Variants in MYH11 observed in about 807,000 individuals in gnomAD.
The protein encoded by MYH11 is myosin-11.
Under a neutral mutation model 246.6 loss-of-function variants are expected in MYH11, and 80 were observed. The observed-to-expected ratio is 0.32, with a 90% CI of 0.27 to 0.39. The LOEUF (loss-of-function observed/expected upper bound fraction) is 0.39, where lower values mean the gene tolerates loss of function less well. Ranked by LOEUF, MYH11 falls within the 10% of genes least tolerant of loss-of-function variation. MYH11 has a pLI of 1.00. For synonymous variants in MYH11, 1,071 were observed against 1,015.5 expected (o/e 1.05, Z -1.04); for missense variants, 2,158 against 2,546.8 (o/e 0.85, Z 3.29).
At chr16:15,829,963 C>G (rs1239708457) in intron 2 of MYH11, among the ~76,000 whole-genome samples, 1 of 152,114 alleles carries the variant, frequency 6.6e-6, no homozygotes, top group East Asian at 1.9e-4. Flanking sequence ...AGTGAAACCT[C>G]ATCTCTACTA....
intron 27 of MYH11, among the ~76,000 whole-genome samples, chr16:15,731,665 A>T (rs1205994301): frequency 6.6e-6 from 1 of 150,592 alleles, no homozygotes; most frequent in African/African-American, 2.4e-5. Context: ...CTAATTCTTT[A>T]TATTTTTGGT....
chr16:15,784,672 C>A, intron 5 of MYH11: 3 of 1,613,590 alleles, frequency 1.9e-6, no homozygotes, highest in Non-Finnish European at 2.5e-6. Context: ...CCCCTACACA[C>A]CAGGAAAACA....
rs141830488 is a variant in MYH11 at position 15,721,214 on chromosome 16, C to G, written c.4579-163G>C. The G allele has an allele frequency of 1.9e-3, 1,804 of 965,130 alleles. 1 individual carries two copies. The highest frequency in any genetic ancestry group is 2.2e-3 in the African/African-American group (138 of 61,996). 59.8% of individuals were successfully genotyped at this position (965,130 alleles called of 1,614,324 possible). A position where few individuals can be genotyped will look rare whatever the true frequency, so the allele number is the denominator to read the frequency against. ...TGACCCCTGAGAGTTCAGACCCCAG[C>G]CTTATCCTCGGACCCCCCAACTCAG... On this transcript the variant is annotated intron_variant, in intron 32 of 40. Coordinates refer to ENST00000300036, the MANE Select transcript of MYH11 (RefSeq NM_002474.3).
At chr16:15,763,760 C>CCCCCCCA (rs1596799469) in intron 10 of MYH11, 36 bp downstream of exon 10, 3 of 1,192,088 alleles carry the variant, frequency 2.5e-6, no homozygotes, top group Non-Finnish European at 3.8e-6. Flanking sequence ...CCCCCAACCC[C>CCCCCCCA]AAAGTCATTG....
intron 40 of MYH11, among the ~76,000 whole-genome samples, chr16:15,706,406 T>A (rs186909746): frequency 6.7e-6 from 1 of 149,676 alleles, no homozygotes; most frequent in East Asian, 1.9e-4. Flanking sequence ...TAACTCCAGG[T>A]TCAAACCCTG....
At chr16:15,845,948 A>C (rs1279455775) in intron 1 of MYH11, among the ~76,000 whole-genome samples, 4 of 151,924 alleles carry the variant, frequency 2.6e-5, no homozygotes, top group African/African-American at 9.7e-5. Flanking sequence ...AAAAATTAAA[A>C]ATTAGCCAGG....
At chr16:15,753,877 C>T (rs960969793) in intron 14 of MYH11, among the ~76,000 whole-genome samples, 3 of 152,046 alleles carry the variant, frequency 2.0e-5, no homozygotes, top group Non-Finnish European at 2.9e-5. Context: ...GCAAAACTCC[C>T]CCCTCATCAT....
At chr16:15,837,418 G>C (rs2043927284) in intron 2 of MYH11, among the ~76,000 whole-genome samples, 1 of 152,146 alleles carries the variant, frequency 6.6e-6, no homozygotes, top group South Asian at 2.1e-4. Context: ...TTTACGGATA[G>C]GAAAACCAAG....
chr16:15,766,344 GGTGTGTGTGTGTGTGTGTGTGTGTGTGT>G (rs3073439), intron 9 of MYH11, among the ~76,000 whole-genome samples: 1 of 136,688 alleles, frequency 7.3e-6, no homozygotes, highest in East Asian at 2.1e-4. Flanking sequence ...CATGTTTTTT[GGTGTGTGTGTGTGTGTGTGTGTGTGTGT>G]GTGTGTGTGT....
chr16:15,801,337 T>C (rs899743450), intron 3 of MYH11, among the ~76,000 whole-genome samples: 1 of 152,000 alleles, frequency 6.6e-6, no homozygotes, highest in East Asian at 1.9e-4. Flanking sequence ...GGTAGCATAG[T>C]GTTATACCTT....
At chr16:15,744,116 A>T (rs1358094445) in intron 20 of MYH11, among the ~76,000 whole-genome samples, 4 of 152,100 alleles carry the variant, frequency 2.6e-5, no homozygotes, top group Non-Finnish European at 4.4e-5. Flanking sequence ...AAAAATGCAA[A>T]AAGTAAAAAA....
intron 2 of MYH11, among the ~76,000 whole-genome samples, chr16:15,836,057 G>A (rs903601966): frequency 2.6e-5 from 4 of 152,034 alleles, no homozygotes; most frequent in Non-Finnish European, 4.4e-5. Flanking sequence ...GCTCCCAAGA[G>A]GCTGGCACTA....
intron 5 of MYH11, among the ~76,000 whole-genome samples, chr16:15,784,502 C>T (rs1395991936): frequency 2.0e-5 from 3 of 151,982 alleles, no homozygotes; most frequent in Non-Finnish European, 4.4e-5. Flanking sequence ...GGTAAATGCA[C>T]CCCCACACCC....
intron 15 of MYH11, among the ~76,000 whole-genome samples, chr16:15,752,593 A>G (rs1261691398): frequency 1.3e-5 from 2 of 152,160 alleles, no homozygotes; most frequent in Non-Finnish European, 2.9e-5. Flanking sequence ...AGCCCTCCAA[A>G]GAGGGCCAGG....
intron 3 of MYH11, among the ~76,000 whole-genome samples, chr16:15,813,341 C>G (rs1238416560): frequency 6.6e-6 from 1 of 152,036 alleles, no homozygotes; most frequent in South Asian, 2.1e-4. Flanking sequence ...AGAGCAAGAC[C>G]CTGTCTCTAA....
At chr16:15,741,255 C>G (rs2041263371) in intron 22 of MYH11, 1 of 647,322 alleles carries the variant, frequency 1.5e-6, no homozygotes, top group East Asian at 2.7e-5. Flanking sequence ...TTAGCACATG[C>G]AAGGCAGGGC....
Position 15,838,134 on chromosome 16 carries a change from G to A in MYH11, c.119C>T (p.Ser40Leu), listed in dbSNP as rs775927183. The A allele has an allele frequency of 1.1e-5, 18 of 1,613,976 alleles. No homozygotes were observed. Among genetic ancestry groups the A allele is most frequent in the Admixed American group, 1.7e-5 (1 of 59,992 alleles). The stretch of plus-strand genomic sequence containing the variant: ...GGCTGCCTCGAAGCCCTGCTTCTCC[G>A]AGGGGACCCAGACGAGTCTCTTGGC... Reference protein sequence around the residue: ...WAAKRLVWVPSEKQGFEAASI... With the variant: ...WAAKRLVWVPLEKQGFEAASI... Residue 40 changes from serine (S) to leucine (L), a missense_variant, in exon 2 of 41, where the codon TCG becomes TTG. By Grantham distance (145) the Ser-to-Leu change is moderately radical. Around this residue, in one of 11 missense-constraint regions of MYH11, gnomAD observed 96 missense variants for 91.9 expected, o/e 1.04. Transcript: ENST00000300036.
At chr16:15,768,616 T>G (rs1051608054) in intron 9 of MYH11, among the ~76,000 whole-genome samples, 1 of 152,216 alleles carries the variant, frequency 6.6e-6, no homozygotes, top group African/African-American at 2.4e-5. Flanking sequence ...ATTATTTGCT[T>G]AATCATTTTC....
At chr16:15,756,280 T>G in intron 14 of MYH11, 61 bp downstream of exon 14, 1 of 1,582,648 alleles carries the variant, frequency 6.3e-7, no homozygotes, top group Non-Finnish European at 8.6e-7. Context: ...AGACTGTCTC[T>G]GCGCTGAGCA....
Sources: gnomAD v4.1 joint callset for allele counts (sites outside exome capture counted in the v4.1 genomes callset) on GRCh38, gnomAD v4.1.1 for gene constraint, gnomAD v4.1.1 regional missense constraint, MANE v1.5 for transcripts, NCBI Gene and HGNC (gene_info 2026-07-23, HGNC 2026-07-21) for gene names.